TTN: variants seen among roughly 807,000 people sequenced by gnomAD.
TTN encodes the protein titin.
In TTN, 1,525 loss-of-function variants were observed where a neutral mutation model predicts 3,223.0. The ratio of observed to expected loss-of-function variants is 0.47; its 90% CI spans 0.45 to 0.49. The LOEUF (loss-of-function observed/expected upper bound fraction) is 0.49, where lower values mean the gene tolerates loss of function less well. Among genes scored for constraint, TTN ranks in the 20% least tolerant of loss-of-function variants. TTN has a pLI of 0.00. For synonymous variants in TTN, 14,094 were observed against 15,161.0 expected (o/e 0.93, Z 5.17); for missense variants, 40,786 against 43,424.0 (o/e 0.94, Z 5.40).
In TTN at chr2:178,546,432, A is replaced by G. The variant is rs1429633152; in HGVS notation, c.94899T>C (p.Leu31633=). ...DLVTIRAGSD[L]VLDAAVGGKP... is the part of the protein sequence containing the mutation. ...TGCCACCAACTGCAGCATCCAGAAC[A>G]AGATCAGAACCTGCTCTGATGGTAA... Residue 31633 remains leucine (L), a synonymous_variant, in exon 342 of 363, where the codon CTT becomes CTC. Transcript: ENST00000589042. 6 of 1,613,656 alleles carry G rather than the reference A, an allele frequency of 3.7e-6. No homozygotes were observed. In the African/African-American group the frequency reaches 5.3e-5, roughly 14 times the overall value.
Position 178,689,591 on chromosome 2 carries a change from A to C in TTN, c.31851T>G (p.Pro10617=). The change falls in exon 123 of 363, where the codon CCT becomes CCG. Residue 10617 remains proline (P), a synonymous_variant. Transcript: ENST00000589042. ...KKKEAPPAKV[P]EVQKGVVTEE... Reference sequence around the variant, plus strand: ...CTGTCACAACTCCCTTCTGTACTTCAGGAACTTGAAGAGACATTTTTAGAA... The same window carrying C: ...CTGTCACAACTCCCTTCTGTACTTCCGGAACTTGAAGAGACATTTTTAGAA... 2 of 1,594,392 alleles carry C rather than the reference A, an allele frequency of 1.3e-6. No homozygotes were observed. The highest frequency in any genetic ancestry group is 1.7e-4 in the Middle Eastern group (1 of 5,988).
In TTN at chr2:178,566,515, T is replaced by A. The variant is rs1460494244; in HGVS notation, c.79617A>T (p.Pro26539=). 6.2e-7 allele frequency: 1 copy of A among 1,613,368 alleles called. No individual in the cohort carries two copies. Among genetic ancestry groups the A allele is most frequent in the African/African-American group, 1.3e-5 (1 of 74,900 alleles). ...ADEEEWQIVT[P]QTGLRVTRFE... ...ATCGAGTGACTCTCAGGCCAGTCTG[T>A]GGAGTAACTATTTGCCATTCTTCTT... The change falls in exon 326 of 363, where the codon CCA becomes CCT. Residue 26539 remains proline, a synonymous_variant. Coordinates refer to ENST00000589042, the MANE Select transcript of TTN (RefSeq NM_001267550.2).
At position 178,613,020 on chromosome 2, in the gene TTN, T is replaced by C. The variant is rs369646977; in HGVS notation, c.49701A>G (p.Ser16567=). 15 of 1,612,842 alleles carry C rather than the reference T, an allele frequency of 9.3e-6. No individual in the cohort carries two copies. Among genetic ancestry groups the C allele is most frequent in the Middle Eastern group, 1.7e-4 (1 of 6,052 alleles). Residue 16567 remains serine, a synonymous_variant, in exon 265 of 363, where the codon TCA becomes TCG. Transcript: ENST00000589042. The part of the protein sequence containing the change: ...KPTVKDVGKT[S]VRLNWTKPEH... The stretch of plus-strand genomic sequence containing the variant: ...CTGGTTTTGTCCAATTCAACCTTAC[T>C]GATGTTTTGCCTACATCTTTTACAG...
intron 47 of TTN, chr2:178,751,302 C>T: frequency 6.2e-7 from 1 of 1,611,008 alleles, no homozygotes; most frequent in Non-Finnish European, 8.5e-7. Context: ...TGCAACTTCA[C>T]TTTGGTCTCC....
rs777824631 is a variant in TTN at position 178,592,118 on chromosome 2, G to A, written c.59786C>T (p.Ala19929Val). ...VASAQWSPLS[A>V]TSKKKSHFAK... ...GAAGTGACTCTTTTTCTTTGATGTA[G>A]CTGAGAGAGGTGACCACTGGGCGCT... The change falls in exon 302 of 363, where the codon GCT becomes GTT. Residue 19929 changes from alanine to valine, a missense_variant. Coordinates refer to ENST00000589042, the MANE Select transcript of TTN (RefSeq NM_001267550.2). 1 of 1,612,830 alleles carries A rather than the reference G, an allele frequency of 6.2e-7. No individual in the cohort carries two copies. Among genetic ancestry groups the A allele is most frequent in the Non-Finnish European group, 8.5e-7 (1 of 1,179,466 alleles).
At position 178,568,168 on chromosome 2, in the gene TTN, G is replaced by A. The variant is rs1706660801; in HGVS notation, c.77964C>T (p.Tyr25988=). ...GTGTACCTGGAGGGCCTGGTTCTTT[G>A]TAGGGATATTGAGCTACAATTGGAT... The part of the protein sequence containing the change: ...ESDPIVAQYP[Y]KEPGPPGTPF... Residue 25988 remains tyrosine (Y), a synonymous_variant, in exon 326 of 363, where the codon TAC becomes TAT. Transcript: ENST00000589042. The A allele has an allele frequency of 6.2e-7, 1 of 1,613,380 alleles. No homozygotes were observed. The highest frequency in any genetic ancestry group is 8.5e-7 in the Non-Finnish European group (1 of 1,179,598).
chr2:178,722,103 C>T lies in TTN; in HGVS notation c.22560G>A (p.Lys7520=). ...CAGCAATAACATCTATAGATACAGG[C>T]TTGATGTCAAAGAAGGGAGATTTCT... ...EPKKSPFFDI[K]PVSIDVIAGE... Residue 7520 remains lysine (K), a synonymous_variant, in exon 78 of 363, where the codon AAG becomes AAA. Coordinates refer to ENST00000589042, the MANE Select transcript of TTN (RefSeq NM_001267550.2). The T allele has an allele frequency of 6.3e-7, 1 of 1,580,460 alleles. No homozygotes were observed. The highest frequency in any genetic ancestry group is 8.6e-7 in the Non-Finnish European group (1 of 1,163,748).
At position 178,569,132 on chromosome 2, in the gene TTN, T is replaced by C. The variant is rs777038781; in HGVS notation, c.77000A>G (p.Glu25667Gly). 2 of 1,613,480 alleles carry C rather than the reference T, an allele frequency of 1.2e-6. No homozygotes were observed. Among genetic ancestry groups the C allele is most frequent in the Non-Finnish European group, 1.7e-6 (2 of 1,179,562 alleles). ...KNSWKIDQLQEGCSYYFRVTA... is the reference protein window; with the variant it reads ...KNSWKIDQLQGGCSYYFRVTA... ...GACTCTAAAGTAATAACTGCAACCT[T>C]CTTGGAGCTGATCGATTTTCCAAGA... is the stretch of plus-strand genomic sequence containing the variant. The change falls in exon 326 of 363, where the codon GAA (glutamate) becomes GGA (glycine). Residue 25667 changes from glutamate to glycine, a missense_variant. By Grantham distance (98) the Glu-to-Gly change is moderately conservative. Coordinates refer to ENST00000589042, the MANE Select transcript of TTN (RefSeq NM_001267550.2).
At chr2:178,663,597 C>T (rs2065181496) in intron 171 of TTN, 30 bp downstream of exon 171, 2 of 1,613,500 alleles carry the variant, frequency 1.2e-6, no homozygotes, top group Non-Finnish European at 1.7e-6. Context: ...AGAGATACAT[C>T]ATCTGAAGCC....
rs767306725 is a variant in TTN, at chr2:178,535,084, GTCT to G, written c.101528_101530del (p.Lys33843del). The G allele has an allele frequency of 1.2e-6, 2 of 1,613,836 alleles. No homozygotes were observed. Among genetic ancestry groups the G allele is most frequent in the Admixed American group, 3.3e-5 (2 of 60,002 alleles). On this transcript the variant is annotated inframe_deletion, in exon 358 of 363. Coordinates refer to ENST00000589042, the MANE Select transcript of TTN (RefSeq NM_001267550.2). ...GACTTTAACAAATTTGGCCATGTAT[GTCT>G]TCTTTGAGGATGTTTCAACACAACG...
At chr2:178,771,073 G>A (rs1313966279) in intron 34 of TTN, 138 bp downstream of exon 34, 6 of 1,376,198 alleles carry the variant, frequency 4.4e-6, no homozygotes, top group Non-Finnish European at 6.0e-6. Flanking sequence ...ATGTGTCTCA[G>A]GAAGGTTTAG....
At chr2:178,738,386 A>AGAGG in intron 48 of TTN, 26 bp from the exon 49 acceptor site, 1 of 1,589,488 alleles carries the variant, frequency 6.3e-7, no homozygotes. Context: ...GAGTCCATTA[A>AGAGG]CATGCCTCCT....
rs1450823990 is a variant in TTN, at chr2:178,554,879, C to G, written c.88580G>C (p.Arg29527Thr). The G allele has an allele frequency of 2.5e-6, 4 of 1,613,762 alleles. No individual in the cohort carries two copies. Among genetic ancestry groups the G allele is most frequent in the Non-Finnish European group, 3.4e-6 (4 of 1,179,838 alleles). Reference sequence around the variant, plus strand: ...TCAGCACCTACCAAGGATCTGTACTCTGATGGTGGCTGAGGCTGAGCCCAT... The same window carrying G: ...TCAGCACCTACCAAGGATCTGTACTGTGATGGTGGCTGAGGCTGAGCCCAT... The part of the protein sequence containing the change: ...NAMGSASATI[R>T]VQILDKPGPP... The change falls in exon 331 of 363, where the codon AGA becomes ACA. Residue 29527 changes from arginine (R) to threonine (T), a missense_variant. By Grantham distance (71) the Arg-to-Thr change is moderately conservative. Coordinates refer to ENST00000589042, the MANE Select transcript of TTN (RefSeq NM_001267550.2).
intron 111 of TTN, among the ~76,000 whole-genome samples, chr2:178,699,310 A>AGCT (rs1486384752): frequency 2.1e-5 from 3 of 146,184 alleles, no homozygotes; most frequent in Non-Finnish European, 4.5e-5. Flanking sequence ...TTTGTTGTGC[A>AGCT]GCTGTTATAC....
rs759070210 is a variant in TTN, at chr2:178,543,215, A to T, written c.96758T>A (p.Val32253Asp). The T allele has an allele frequency of 6.2e-7, 1 of 1,613,744 alleles. No homozygotes were observed. ...KAGTERWMKVVTLKPTVLEHT... is the reference protein window; with the variant it reads ...KAGTERWMKVDTLKPTVLEHT... ...CTCTAGGACTGTGGGTTTTAAGGTG[A>T]CAACCTTCATCCATCTCTCTGTGCC... The change falls in exon 347 of 363, where the codon GTC becomes GAC. Residue 32253 changes from valine to aspartate, a missense_variant. Coordinates refer to ENST00000589042, the MANE Select transcript of TTN (RefSeq NM_001267550.2).
chr2:178,570,287 A>G lies in TTN; in HGVS notation c.75845T>C (p.Val25282Ala), dbSNP rs1230534095. 6.2e-7 allele frequency: 1 copy of G among 1,613,390 alleles called. No homozygotes were observed. Among genetic ancestry groups the G allele is most frequent in the South Asian group, 1.1e-5 (1 of 91,082 alleles). ...GNEYTFRIMA[V>A]NKYGVGEPLE... ...AGGTTCACCAACACCATATTTGTTT[A>G]CTGCCATTATACGGAAAGTATATTC... Residue 25282 changes from valine to alanine, a missense_variant, in exon 326 of 363, where the codon GTA becomes GCA. By Grantham distance (64) the Val-to-Ala change is moderately conservative. Transcript: ENST00000589042.
chr2:178,613,726 A>T (rs2056774977), intron 263 of TTN, 25 bp downstream of exon 263: 2 of 1,606,528 alleles, frequency 1.2e-6, no homozygotes, highest in Non-Finnish European at 1.7e-6. Flanking sequence ...CTGTCTTAAC[A>T]TCTTGATGGG....
intron 330 of TTN, chr2:178,556,097 T>G (rs1023889618): frequency 1.3e-5 from 2 of 152,186 alleles, no homozygotes; most frequent in African/African-American, 4.8e-5. Context: ...TGAAAATTCC[T>G]CAATAAATGT....
Position 178,575,603 on chromosome 2 carries a change from A to G in TTN, c.70529T>C (p.Met23510Thr). 1 of 1,613,644 alleles carries G rather than the reference A, an allele frequency of 6.2e-7. No individual in the cohort carries two copies. Among genetic ancestry groups the G allele is most frequent in the Non-Finnish European group, 8.5e-7 (1 of 1,179,652 alleles). Residue 23510 changes from methionine to threonine, a missense_variant, in exon 326 of 363, where the codon ATG becomes ACG. Transcript: ENST00000589042. The surrounding 1 kb of genome is among the most constrained non-coding windows in gnomAD (Gnocchi z 4.0). ...SEGCEYFFRV[M>T]AENEYGIGEP... ...ACCAATTCCATATTCATTCTCTGCC[A>G]TCACTCTGAAGAAATATTCACACCC... is the stretch of plus-strand genomic sequence containing the variant.
Sources: allele counts gnomAD v4.1 joint callset (sites outside exome capture counted in the v4.1 genomes callset), GRCh38; gene constraint gnomAD v4.1.1; non-coding constraint Gnocchi (gnomAD v3.1); transcripts MANE v1.5; gene names NCBI Gene and HGNC (gene_info 2026-07-23, HGNC 2026-07-21).